Variants in PACRG observed in about 807,000 individuals in gnomAD.
PACRG encodes the protein parkin coregulated, also known as parkin coregulated gene protein.
In PACRG, 29 loss-of-function variants were observed where a neutral mutation model predicts 29.7. The observed-to-expected ratio is 0.98, with a 90% CI of 0.73 to 1.33. The LOEUF is 1.33. Among genes scored for constraint, PACRG ranks in the 40% most tolerant of loss-of-function variants. PACRG has a pLI of 0.00. For synonymous variants in PACRG, 116 were observed against 118.7 expected (o/e 0.98, Z 0.15); for missense variants, 279 against 316.2 (o/e 0.88, Z 0.89).
intron 2 of PACRG, among the ~76,000 whole-genome samples, chr6:162,875,218 CAT>C (rs1333168300): frequency 6.6e-6 from 1 of 151,956 alleles, no homozygotes; most frequent in African/African-American, 2.4e-5. Context: ...CACACACACA[CAT>C]GCACACACAG....
At chr6:163,227,577 G>A (rs1781856130) in intron 4 of PACRG, among the ~76,000 whole-genome samples, 1 of 152,198 alleles carries the variant, frequency 6.6e-6, no homozygotes, top group African/African-American at 2.4e-5. Flanking sequence ...CTTCATGAAG[G>A]AGCAGAGCCA....
intron 4 of PACRG, among the ~76,000 whole-genome samples, chr6:163,140,410 G>T (rs536319727): frequency 6.6e-6 from 1 of 152,250 alleles, no homozygotes; most frequent in African/African-American, 2.4e-5. Context: ...CAGGCCTGCT[G>T]CTCAGAGGCA....
chr6:163,262,039 GA>G (rs1233829629), intron 4 of PACRG, among the ~76,000 whole-genome samples: 3 of 152,160 alleles, frequency 2.0e-5, no homozygotes, highest in African/African-American at 7.2e-5. Flanking sequence ...AAGATGTGGG[GA>G]AAAGGTGACC....
chr6:163,248,034 C>T (rs1352832624), intron 4 of PACRG, among the ~76,000 whole-genome samples: 4 of 151,498 alleles, frequency 2.6e-5, no homozygotes, highest in Non-Finnish European at 5.9e-5. Flanking sequence ...GCCAAAGACT[C>T]GTTTTCCTAT....
chr6:163,122,723 T>G (rs1049971597), intron 4 of PACRG, among the ~76,000 whole-genome samples: 4 of 152,180 alleles, frequency 2.6e-5, no homozygotes, highest in African/African-American at 4.8e-5. Flanking sequence ...ACCCCAGGTA[T>G]TATTTTATAG....
intron 2 of PACRG, among the ~76,000 whole-genome samples, chr6:162,947,003 A>G (rs1799059361): frequency 1.3e-5 from 2 of 151,910 alleles, no homozygotes; most frequent in South Asian, 4.1e-4. Context: ...ATATATGACA[A>G]ACACACAGCT....
intron 4 of PACRG, among the ~76,000 whole-genome samples, chr6:163,132,622 T>A (rs1265223631): frequency 6.6e-6 from 1 of 152,224 alleles, no homozygotes; most frequent in African/African-American, 2.4e-5. Flanking sequence ...TACAAGCATG[T>A]GATCCACAGA....
At chr6:163,207,084 A>T (rs780582728) in intron 4 of PACRG, among the ~76,000 whole-genome samples, 1 of 152,124 alleles carries the variant, frequency 6.6e-6, no homozygotes, top group Non-Finnish European at 1.5e-5. Context: ...CACTTTTGAC[A>T]TTCTGTTTTT....
At chr6:163,314,779 G>C in intron 4 of PACRG, 48 bp from the exon 5 acceptor site, 1 of 1,593,018 alleles carries the variant, frequency 6.3e-7, no homozygotes, top group Admixed American at 1.8e-5. Context: ...GACTTTTCGG[G>C]AAATTGCAGA....
At chr6:163,279,107 G>A (rs1193794967) in intron 4 of PACRG, among the ~76,000 whole-genome samples, 1 of 152,160 alleles carries the variant, frequency 6.6e-6, no homozygotes, top group Non-Finnish European at 1.5e-5. Flanking sequence ...TCTTGTGAAA[G>A]GGGTTGAGTT....
At chr6:163,254,083 G>A (rs1485254180) in intron 4 of PACRG, among the ~76,000 whole-genome samples, 2 of 152,202 alleles carry the variant, frequency 1.3e-5, no homozygotes, top group Non-Finnish European at 2.9e-5. Flanking sequence ...GGCCAGCCCT[G>A]CCTCTGCATC....
At chr6:162,881,339 C>T (rs1383921223) in intron 2 of PACRG, among the ~76,000 whole-genome samples, 1 of 152,048 alleles carries the variant, frequency 6.6e-6, no homozygotes, top group African/African-American at 2.4e-5. Context: ...TGTCTAAGTC[C>T]TACATGCACC....
chr6:163,235,511 C>T (rs1427443076), intron 4 of PACRG, among the ~76,000 whole-genome samples: 2 of 152,096 alleles, frequency 1.3e-5, no homozygotes, highest in African/African-American at 4.8e-5. Flanking sequence ...TATCTGCTTC[C>T]AAATTCCTCA....
intron 2 of PACRG, among the ~76,000 whole-genome samples, chr6:163,010,210 T>C (rs1044950199): frequency 2.6e-5 from 4 of 152,232 alleles, no homozygotes; most frequent in Non-Finnish European, 5.9e-5. Context: ...CTAGATGATA[T>C]GAACTGTTCT....
intron 2 of PACRG, among the ~76,000 whole-genome samples, chr6:162,934,423 AG>A (rs1798092385): frequency 2.0e-5 from 3 of 152,206 alleles, no homozygotes; most frequent in Admixed American, 2.0e-4. Flanking sequence ...CTTGAGGTTC[AG>A]GGTGACAAAT....
intron 3 of PACRG, among the ~76,000 whole-genome samples, chr6:163,064,689 G>A (rs1811382700): frequency 6.6e-6 from 1 of 152,154 alleles, no homozygotes; most frequent in Admixed American, 6.5e-5. Flanking sequence ...CTGAAAGGAG[G>A]CTAACAGGAT....
At chr6:162,985,990 G>A (rs1802854109) in intron 2 of PACRG, among the ~76,000 whole-genome samples, 2 of 151,824 alleles carry the variant, frequency 1.3e-5, no homozygotes, top group Admixed American at 6.6e-5. Context: ...AAAATACTTA[G>A]GAATGTACCT....
At chr6:163,159,658 CA>C (rs967182689) in intron 4 of PACRG, among the ~76,000 whole-genome samples, 4 of 152,112 alleles carry the variant, frequency 2.6e-5, no homozygotes, top group African/African-American at 7.2e-5. Context: ...TTTACAAGGT[CA>C]GGGGTGACAT....
chr6:162,727,378 A>T, upstream of PACRG: 1 of 474,156 alleles, frequency 2.1e-6, no homozygotes, highest in Non-Finnish European at 3.7e-6. Flanking sequence ...ACCGCGAACG[A>T]GGAGCGGGGG....
Sources: gnomAD v4.1 joint callset for allele counts (sites outside exome capture counted in the v4.1 genomes callset) on GRCh38, gnomAD v4.1.1 for gene constraint, MANE v1.5 for transcripts, NCBI Gene and HGNC (gene_info 2026-07-23, HGNC 2026-07-21) for gene names.